Variants in NADK observed in about 807,000 individuals in gnomAD.
The protein encoded by NADK is poly(P)/ATP NAD kinase.
A neutral mutation model predicts 49.8 loss-of-function variants in NADK; 22 were observed. The ratio of observed to expected loss-of-function variants is 0.44; its 90% CI spans 0.32 to 0.63. The LOEUF is 0.63. NADK is among the 30% of genes least tolerant of loss of function. The pLI, the probability that NADK is intolerant of heterozygous loss-of-function variation, is 0.06. For synonymous variants in NADK, 268 were observed against 253.7 expected, an observed-to-expected ratio of 1.06 and a Z score of -0.54; for missense variants, 438 against 609.4, an observed-to-expected ratio of 0.72 and a Z score of 2.96.
chr1:1,762,160 G>A, intron 2 of NADK, 125 bp from the exon 3 acceptor site: 2 of 772,450 alleles, frequency 2.6e-6, no homozygotes, highest in Non-Finnish European at 4.3e-6. Context: ...AACTCCATCT[G>A]CCCAGCAGCC....
intron 6 of NADK, 134 bp from the exon 7 acceptor site, chr1:1,755,610 T>C (rs1173110263): frequency 4.2e-6 from 3 of 705,898 alleles, no homozygotes; most frequent in Non-Finnish European, 7.3e-6. Context: ...GGACTGGCCA[T>C]GTGGACAAGC....
chr1:1,759,088 A>G (rs562874993), intron 3 of NADK: 2 of 1,520,198 alleles, frequency 1.3e-6, no homozygotes, highest in Non-Finnish European at 1.8e-6. Flanking sequence ...CCCCGCCAAC[A>G]GTCACCACTG....
chr1:1,775,938 G>A (rs897953505), intron 1 of NADK, among the ~76,000 whole-genome samples: 1 of 152,160 alleles, frequency 6.6e-6, no homozygotes, highest in Non-Finnish European at 1.5e-5. Flanking sequence ...TGTCCAGAAC[G>A]GCTGAAGCTG....
chr1:1,773,629 G>A (rs1006635910), intron 1 of NADK, among the ~76,000 whole-genome samples: 2 of 149,456 alleles, frequency 1.3e-5, no homozygotes, highest in African/African-American at 4.9e-5. Flanking sequence ...ATCACAAAAT[G>A]TTAAAAAAAA....
intron 3 of NADK, chr1:1,759,027 G>C (rs1022799890): frequency 2.1e-6 from 3 of 1,440,298 alleles, no homozygotes; most frequent in Non-Finnish European, 2.8e-6. Flanking sequence ...ACGGTCCTCC[G>C]GCCTGGTCAG....
chr1:1,758,344 C>T (rs777187262), intron 3 of NADK: 32 of 1,592,120 alleles, frequency 2.0e-5, no homozygotes, highest in African/African-American at 9.4e-5. Flanking sequence ...TTGTGACCTT[C>T]GGAAGCTGGT....
intron 1 of NADK, among the ~76,000 whole-genome samples, chr1:1,774,894 T>C (rs1416889511): frequency 1.3e-5 from 2 of 151,860 alleles, no homozygotes; most frequent in African/African-American, 4.8e-5. Flanking sequence ...GATCACGACA[T>C]CAGGAGTTCA....
rs1471814379 is a variant in NADK, at chr1:1,754,136, T to C, written c.1016A>G (p.Asn339Ser). Residue 339 changes from asparagine to serine, a missense_variant, in exon 10 of 12, where the codon AAC (asparagine) becomes AGC (serine). Transcript: ENST00000341426. This position sits in a 1 kb window ranked among gnomAD's most constrained non-coding sequence, Gnocchi z 4.3. Reference protein sequence around the residue: ...AAAGASMIHPNVPAIMITPIC... With the variant: ...AAAGASMIHPSVPAIMITPIC... ...GGGCGTGATCATGATGGCCGGCACG[T>C]TGGGGTGGATCATGGAGGCCCCGGC... is the stretch of plus-strand genomic sequence containing the variant. 2.5e-6 allele frequency: 4 copies of C among 1,611,832 alleles called. No individual in the cohort carries two copies. The highest frequency in any genetic ancestry group is 3.4e-6 in the Non-Finnish European group (4 of 1,179,386).
At chr1:1,757,439 GGC>G (rs2100298254) in intron 3 of NADK, 129 bp from the exon 4 acceptor site, 1 of 805,384 alleles carries the variant, frequency 1.2e-6, no homozygotes, top group Non-Finnish European at 2.0e-6. Context: ...CGTGCTCGGT[GGC>G]CACGGGCTCA....
intron 2 of NADK, 102 bp from the exon 3 acceptor site, chr1:1,762,137 T>C (rs964335949): frequency 1.2e-5 from 12 of 970,558 alleles, no homozygotes; most frequent in Non-Finnish European, 3.2e-6. Flanking sequence ...ATACATGCAA[T>C]TTGAAAGATG....
At chr1:1,774,878 C>A (rs1216096798) in intron 1 of NADK, among the ~76,000 whole-genome samples, 2 of 152,068 alleles carry the variant, frequency 1.3e-5, no homozygotes, top group Admixed American at 6.6e-5. Context: ...GAGGCCGAGG[C>A]GGGCAGATCA....
At chr1:1,768,450 G>T (rs1207452192) in intron 1 of NADK, among the ~76,000 whole-genome samples, 1 of 152,170 alleles carries the variant, frequency 6.6e-6, no homozygotes, top group Non-Finnish European at 1.5e-5. Context: ...CAGGTACTTG[G>T]AGGCTCCGGC....
Position 1,753,668 on chromosome 1 carries a change from G to C in NADK, c.1102-19C>G, listed in dbSNP as rs755392875. On this transcript the variant is annotated intron_variant, in intron 10 of 11. Coordinates refer to ENST00000341426, the MANE Select transcript of NADK (RefSeq NM_023018.5). ...GCATGATCTGAGGGTCAAGCAGGGAGAGGTGTGGGCCCCCAGCTGTGGGGA... is the reference window on the plus strand; with the variant it reads ...GCATGATCTGAGGGTCAAGCAGGGACAGGTGTGGGCCCCCAGCTGTGGGGA... The C allele has an allele frequency of 1.9e-6, 3 of 1,590,010 alleles. No individual in the cohort carries two copies. Among genetic ancestry groups the C allele is most frequent in the Non-Finnish European group, 2.6e-6 (3 of 1,164,446 alleles).
chr1:1,756,946 G>A (rs1645544126), intron 4 of NADK: 1 of 828,420 alleles, frequency 1.2e-6, no homozygotes, highest in Non-Finnish European at 2.1e-6. Flanking sequence ...GGACTTCCCG[G>A]CCTCCAGGGC....
intron 3 of NADK, among the ~76,000 whole-genome samples, chr1:1,758,796 C>T (rs1239773475): frequency 4.6e-5 from 7 of 152,204 alleles, no homozygotes; most frequent in East Asian, 3.9e-4. Context: ...CTAACTGAGC[C>T]GGGTGGGACC....
intron 4 of NADK, 130 bp from the exon 5 acceptor site, chr1:1,756,738 C>A (rs979517445): frequency 1.3e-6 from 2 of 1,525,230 alleles, no homozygotes; most frequent in Admixed American, 3.5e-5. Flanking sequence ...CCCACGCTCA[C>A]GCTGAAACTT....
At chr1:1,768,034 G>C (rs1223021402) in intron 1 of NADK, among the ~76,000 whole-genome samples, 1 of 152,038 alleles carries the variant, frequency 6.6e-6, no homozygotes, top group East Asian at 1.9e-4. Flanking sequence ...AGCCGGGCGT[G>C]GTGGCGGGCG....
chr1:1,777,282 G>A (rs1358736668), intron 1 of NADK, among the ~76,000 whole-genome samples: 1 of 152,136 alleles, frequency 6.6e-6, no homozygotes, highest in East Asian at 1.9e-4. Context: ...CAAGGGGACA[G>A]GAAATTTCCA....
intron 6 of NADK, among the ~76,000 whole-genome samples, chr1:1,755,845 G>A (rs74663170): frequency 0.019 from 2,934 of 152,276 alleles, 51 homozygotes; most frequent in Non-Finnish European, 0.029. Context: ...GGGCATTTCC[G>A]GTGTCACCAA....
Sources: gnomAD v4.1 joint callset for allele counts (sites outside exome capture counted in the v4.1 genomes callset) on GRCh38, gnomAD v4.1.1 for gene constraint, Gnocchi (gnomAD v3.1) non-coding constraint, MANE v1.5 for transcripts, NCBI Gene and HGNC (gene_info 2026-07-23, HGNC 2026-07-21) for gene names.